Variants in TCF7L1 observed in about 807,000 individuals in gnomAD.
The protein encoded by TCF7L1 is transcription factor 7-like 1.
A neutral mutation model predicts 63.7 loss-of-function variants in TCF7L1; 18 were observed. The ratio of observed to expected loss-of-function variants is 0.28; its 90% CI spans 0.20 to 0.42. TCF7L1 has a LOEUF of 0.42. TCF7L1 is among the 10% of genes least tolerant of loss of function. The probability of loss-of-function intolerance (pLI) is 1.00; values close to 1 mark genes in which losing one functional copy is unlikely to be tolerated. For missense variants in TCF7L1, 654 were observed against 779.3 expected (o/e 0.84, Z 1.91); for synonymous variants, 355 against 340.9 (o/e 1.04, Z -0.46).
chr2:85,193,237 C>T (rs977601425), intron 3 of TCF7L1, among the ~76,000 whole-genome samples: 5 of 152,128 alleles, frequency 3.3e-5, no homozygotes, highest in African/African-American at 7.2e-5. Flanking sequence ...GTCCAATCTG[C>T]GTAGACAGTA....
At chr2:85,294,674 C>G (rs1164146461) in intron 4 of TCF7L1, among the ~76,000 whole-genome samples, 1 of 152,170 alleles carries the variant, frequency 6.6e-6, no homozygotes, top group Non-Finnish European at 1.5e-5. Context: ...CAGCTTTGAG[C>G]TGAGAAACCT....
At chr2:85,274,894 C>T (rs1681237296) in intron 3 of TCF7L1, among the ~76,000 whole-genome samples, 1 of 152,156 alleles carries the variant, frequency 6.6e-6, no homozygotes, top group African/African-American at 2.4e-5. Context: ...CACACTCTGC[C>T]TGGTCCTCTC....
chr2:85,269,436 CACAT>C lies in TCF7L1; in HGVS notation c.442-14053_442-14050del, dbSNP rs371392828. On this transcript the variant is annotated intron_variant, in intron 3 of 11. Coordinates refer to ENST00000282111, the MANE Select transcript of TCF7L1 (RefSeq NM_031283.3). ...TGTGTATACACATACATAAAAAATA[CACAT>C]ACATATGTATTTATAATTTTGTTTG... Among the ~76,000 whole-genome samples, 607 of 152,204 alleles carry C rather than the reference CACAT, an allele frequency of 4.0e-3. 5 individuals carry two copies. Among genetic ancestry groups the C allele is most frequent in the African/African-American group, 0.013 (558 of 41,532 alleles).
intron 3 of TCF7L1, among the ~76,000 whole-genome samples, chr2:85,215,353 C>T (rs1217089492): frequency 2.0e-5 from 3 of 152,160 alleles, no homozygotes; most frequent in African/African-American, 4.8e-5. Flanking sequence ...GTGCAGCGTT[C>T]GAGGGAACTC....
At chr2:85,271,310 G>C (rs1440102773) in intron 3 of TCF7L1, among the ~76,000 whole-genome samples, 5 of 152,114 alleles carry the variant, frequency 3.3e-5, no homozygotes, top group Non-Finnish European at 7.4e-5. Flanking sequence ...ACGTGGTTTT[G>C]CCATATTGGC....
intron 4 of TCF7L1, among the ~76,000 whole-genome samples, chr2:85,302,036 G>A (rs2104386935): frequency 6.6e-6 from 1 of 152,216 alleles, no homozygotes; most frequent in East Asian, 1.9e-4. Context: ...GCTGAGACAG[G>A]AGAATTGCTG....
At chr2:85,138,067 A>G (rs1329166717) in intron 3 of TCF7L1, among the ~76,000 whole-genome samples, 1 of 152,132 alleles carries the variant, frequency 6.6e-6, no homozygotes, top group Non-Finnish European at 1.5e-5. Context: ...AGGGCTGATG[A>G]CATTTTGGAA....
chr2:85,282,843 T>TGTGTGTGTGTGTGTGTGTGTG (rs61230836), intron 3 of TCF7L1, among the ~76,000 whole-genome samples: 1 of 126,268 alleles, frequency 7.9e-6, no homozygotes. Context: ...TGTGTGTGTG[T>TGTGTGTGTGTGTGTGTGTGTG]TGGGGAAGTA....
chr2:85,144,417 C>CAAAAA (rs55964315), intron 3 of TCF7L1, among the ~76,000 whole-genome samples: 22 of 94,994 alleles, frequency 2.3e-4, no homozygotes, highest in African/African-American at 5.5e-4. Flanking sequence ...CCTGTCTCTA[C>CAAAAA]AAAAAAAAAA....
intron 3 of TCF7L1, among the ~76,000 whole-genome samples, chr2:85,230,521 G>A (rs1446909665): frequency 6.6e-6 from 1 of 152,136 alleles, no homozygotes; most frequent in Non-Finnish European, 1.5e-5. Context: ...TTTTAGTAGA[G>A]ATGGGGTTTC....
At chr2:85,239,407 T>G (rs1417484270) in intron 3 of TCF7L1, among the ~76,000 whole-genome samples, 2 of 152,092 alleles carry the variant, frequency 1.3e-5, no homozygotes, top group African/African-American at 4.8e-5. Context: ...TGTGGACTGT[T>G]TCTCCTCTAT....
chr2:85,160,567 G>A (rs896971403), intron 3 of TCF7L1, among the ~76,000 whole-genome samples: 1 of 152,138 alleles, frequency 6.6e-6, no homozygotes, highest in Admixed American at 6.5e-5. Flanking sequence ...AAAAAAAGAA[G>A]CAGGCTGGGT....
intron 3 of TCF7L1, among the ~76,000 whole-genome samples, chr2:85,253,693 T>C (rs1680643373): frequency 6.6e-6 from 1 of 152,202 alleles, no homozygotes; most frequent in African/African-American, 2.4e-5. Context: ...CTCCCTGTCC[T>C]TAAAAGAAAT....
intron 3 of TCF7L1, among the ~76,000 whole-genome samples, chr2:85,210,183 A>G (rs1314271719): frequency 1.3e-5 from 2 of 152,194 alleles, no homozygotes; most frequent in Admixed American, 6.5e-5. Flanking sequence ...GGCTCCTTAT[A>G]GTAACCCAGC....
chr2:85,150,524 G>A (rs909061301), intron 3 of TCF7L1, among the ~76,000 whole-genome samples: 7 of 151,416 alleles, frequency 4.6e-5, no homozygotes, highest in Non-Finnish European at 7.4e-5. Flanking sequence ...GAGCCACCGC[G>A]CCCGGCCATG....
At chr2:85,293,104 G>C (rs1182146363) in intron 4 of TCF7L1, among the ~76,000 whole-genome samples, 1 of 152,204 alleles carries the variant, frequency 6.6e-6, no homozygotes, top group East Asian at 1.9e-4. Flanking sequence ...AAGGGAAGCA[G>C]ATTGAAAGCT....
intron 3 of TCF7L1, among the ~76,000 whole-genome samples, chr2:85,152,606 C>T (rs62162852): frequency 0.18 from 27,319 of 150,386 alleles, 2,822 homozygotes; most frequent in African/African-American, 0.25. Context: ...GGCTAATTTT[C>T]GTAGTTTTAG....
At chr2:85,250,824 C>G (rs1443762789) in intron 3 of TCF7L1, among the ~76,000 whole-genome samples, 3 of 152,144 alleles carry the variant, frequency 2.0e-5, no homozygotes, top group Non-Finnish European at 4.4e-5. Flanking sequence ...GTTGTGCCGT[C>G]CCCTGCAAAG....
chr2:85,151,208 G>T (rs763410024), intron 3 of TCF7L1, among the ~76,000 whole-genome samples: 3 of 152,166 alleles, frequency 2.0e-5, no homozygotes, highest in Admixed American at 6.5e-5. Flanking sequence ...ATTCTGCTCA[G>T]CATTTTTCAT....
Sources: allele counts gnomAD v4.1 joint callset (sites outside exome capture counted in the v4.1 genomes callset), GRCh38; gene constraint gnomAD v4.1.1; transcripts MANE v1.5; gene names NCBI Gene and HGNC (gene_info 2026-07-23, HGNC 2026-07-21).